ZNF676: variants seen among roughly 807,000 people sequenced by gnomAD.
The protein encoded by ZNF676 is zinc finger protein 676.
ZNF676 carries 4 observed loss-of-function variants against 6.0 expected under a neutral mutation model. The observed-to-expected ratio is 0.67, with a 90% CI of 0.33 to 1.53. ZNF676 has a LOEUF of 1.53. Ranked by LOEUF, ZNF676 falls within the 40% of genes most tolerant of loss-of-function variation. The probability of loss-of-function intolerance (pLI) is 0.06; values close to 1 mark genes in which losing one functional copy is unlikely to be tolerated. For missense variants in ZNF676, 644 were observed against 679.7 expected (o/e 0.95, Z 0.58); for synonymous variants, 198 against 223.1 (o/e 0.89, Z 1.00).
intron 1 of ZNF676, among the ~76,000 whole-genome samples, chr19:22,202,833 A>C (rs1488701742): frequency 1.3e-5 from 2 of 152,222 alleles, no homozygotes; most frequent in African/African-American, 4.8e-5. Context: ...CATCTTCATG[A>C]CTAGAGGTAG....
At chr19:22,236,681 A>T in the ZNF676 span, among the ~76,000 whole-genome samples, 1 of 152,172 alleles carries the variant, frequency 6.6e-6, no homozygotes, top group Non-Finnish European at 1.5e-5. Context: ...AGGGGCCATG[A>T]TTCTCTGTTT....
chr19:22,227,899 A>G, the ZNF676 span, among the ~76,000 whole-genome samples: 33 of 152,314 alleles, frequency 2.2e-4, no homozygotes, highest in African/African-American at 7.7e-4. Context: ...CTGGGACCAG[A>G]CAGATTCACA....
chr19:22,219,111 C>A (rs1240020911), upstream of ZNF676, among the ~76,000 whole-genome samples: 1 of 85,528 alleles, frequency 1.2e-5, no homozygotes. Flanking sequence ...GTTTTTTTTT[C>A]TTTTTGAGAC....
At chr19:22,192,264 A>C (rs1429310262) in intron 2 of ZNF676, among the ~76,000 whole-genome samples, 1 of 152,146 alleles carries the variant, frequency 6.6e-6, no homozygotes, top group Non-Finnish European at 1.5e-5. Context: ...AATTTAATTG[A>C]GGAGCTGAAA....
the ZNF676 span, among the ~76,000 whole-genome samples, chr19:22,240,819 C>A: frequency 6.6e-6 from 1 of 151,852 alleles, no homozygotes; most frequent in African/African-American, 2.4e-5. Context: ...CATCACATCA[C>A]CTGAGTGCTG....
At chr19:22,200,193 C>A (rs1227533392), upstream of ZNF676, among the ~76,000 whole-genome samples, 2 of 151,420 alleles carry the variant, frequency 1.3e-5, no homozygotes, top group Non-Finnish European at 2.9e-5. Context: ...TTAGCCACTG[C>A]CCTGTAAATT....
intron 1 of ZNF676, among the ~76,000 whole-genome samples, chr19:22,209,262 AAAAC>A (rs552105851): frequency 3.9e-4 from 59 of 152,208 alleles, no homozygotes; most frequent in South Asian, 8.3e-4. Context: ...ATTCCATATC[AAAAC>A]AAACAAACAA....
chr19:22,212,734 C>T (rs1469521002), intron 1 of ZNF676, among the ~76,000 whole-genome samples: 4 of 150,762 alleles, frequency 2.7e-5, no homozygotes, highest in South Asian at 2.1e-4. Flanking sequence ...CGGTGGCTCA[C>T]GTCTGTAATC....
At chr19:22,186,985 A>T (rs1434447271) in intron 2 of ZNF676, among the ~76,000 whole-genome samples, 1 of 152,154 alleles carries the variant, frequency 6.6e-6, no homozygotes, top group Non-Finnish European at 1.5e-5. Flanking sequence ...GAGACAAAAA[A>T]CTAACAAGGA....
chr19:22,253,414 ATATGATAATG>A, the ZNF676 span, among the ~76,000 whole-genome samples: 2 of 59,408 alleles, frequency 3.4e-5, no homozygotes, highest in African/African-American at 1.0e-4. Flanking sequence ...GTATATATAT[ATATGATAATG>A]TATATATATA....
the ZNF676 span, among the ~76,000 whole-genome samples, chr19:22,249,906 A>G: frequency 6.6e-6 from 1 of 151,850 alleles, no homozygotes; most frequent in Non-Finnish European, 1.5e-5. Flanking sequence ...TGTTTTGGCC[A>G]GGTGCAGTGG....
chr19:22,184,846 A>G (rs1485041501), intron 2 of ZNF676, among the ~76,000 whole-genome samples: 1 of 150,684 alleles, frequency 6.6e-6, no homozygotes, highest in African/African-American at 2.4e-5. Context: ...AAAAAAAAAA[A>G]AAAAAAGGCA....
At chr19:22,213,623 G>T in intron 1 of ZNF676, among the ~76,000 whole-genome samples, 1 of 152,098 alleles carries the variant, frequency 6.6e-6, no homozygotes, top group East Asian at 1.9e-4. Context: ...CCATACCTCA[G>T]GTTGTCTTAT....
At chr19:22,222,623 AG>A in the ZNF676 span, among the ~76,000 whole-genome samples, 1 of 151,924 alleles carries the variant, frequency 6.6e-6, no homozygotes. Context: ...GTGGAGCAAA[AG>A]CCTGTTCAAG....
chr19:22,206,140 A>G (rs2024074523), intron 1 of ZNF676, among the ~76,000 whole-genome samples: 1 of 152,040 alleles, frequency 6.6e-6, no homozygotes, highest in African/African-American at 2.4e-5. Context: ...TGAATTAGTA[A>G]TAAGTAGCCT....
the ZNF676 span, among the ~76,000 whole-genome samples, chr19:22,250,641 G>GGCTTCCAACTATGTCTACACAT: frequency 6.6e-6 from 1 of 151,646 alleles, no homozygotes; most frequent in African/African-American, 2.4e-5. Context: ...TTTTGAGATG[G>GGCTTCCAACTATGTCTACACAT]AGATGGCTTC....
Position 22,180,432 on chromosome 19 carries a change from C to A in ZNF676, c.1285G>T (p.Ala429Ser), listed in dbSNP as rs201835667. 3 of 1,612,978 alleles carry A rather than the reference C, an allele frequency of 1.9e-6. No individual in the cohort carries two copies. The highest frequency in any genetic ancestry group is 1.7e-5 in the Admixed American group (1 of 59,882). The change falls in exon 3 of 3, where the codon GCC (alanine) becomes TCC (serine). Residue 429 changes from alanine to serine, a missense_variant. Ala to Ser is a moderately conservative substitution (Grantham distance 99, BLOSUM62 1). Coordinates refer to ENST00000397121, the MANE Select transcript of ZNF676 (RefSeq NM_001001411.3). ...KPYKCEECGK[A>S]FSWSSSLTEH... Reference sequence around the variant, plus strand: ...GTAAGGCTTGAGGACCAGCTGAAGGCTTTGCCACATTCTTCACACTTGTAG... The same window carrying A: ...GTAAGGCTTGAGGACCAGCTGAAGGATTTGCCACATTCTTCACACTTGTAG...
the ZNF676 span, among the ~76,000 whole-genome samples, chr19:22,251,036 C>T: frequency 6.6e-6 from 1 of 152,138 alleles, no homozygotes; most frequent in East Asian, 1.9e-4. Context: ...CTGACAGAAT[C>T]AGGAGCCTGA....
At chr19:22,208,000 A>G (rs991604986) in intron 1 of ZNF676, among the ~76,000 whole-genome samples, 35 of 150,700 alleles carry the variant, frequency 2.3e-4, no homozygotes, top group African/African-American at 8.6e-4. Context: ...AAAAAAAACA[A>G]AAAACCCTGG....
Sources: allele counts gnomAD v4.1 joint callset (sites outside exome capture counted in the v4.1 genomes callset), GRCh38; gene constraint gnomAD v4.1.1; transcripts MANE v1.5; gene names NCBI Gene and HGNC (gene_info 2026-07-23, HGNC 2026-07-21).